COQ8A: variants seen among roughly 807,000 people sequenced by gnomAD.
The protein encoded by COQ8A is atypical kinase COQ8A, mitochondrial.
COQ8A carries 51 observed loss-of-function variants against 65.0 expected under a neutral mutation model. The ratio of observed to expected loss-of-function variants is 0.78; its 90% CI spans 0.63 to 0.99. The LOEUF (loss-of-function observed/expected upper bound fraction) is 0.99. Ranked by LOEUF, COQ8A falls within the 50% of genes least tolerant of loss-of-function variation. The pLI, the probability that COQ8A is intolerant of heterozygous loss-of-function variation, is 0.00. For synonymous variants in COQ8A, 371 were observed against 353.2 expected, an observed-to-expected ratio of 1.05 and a Z score of -0.57; for missense variants, 940 against 875.0, an observed-to-expected ratio of 1.07 and a Z score of -0.94.
intron 6 of COQ8A, 132 bp downstream of exon 6, chr1:226,982,281 A>T: frequency 1.5e-6 from 2 of 1,339,352 alleles, no homozygotes; most frequent in Non-Finnish European, 2.0e-6. Flanking sequence ...AGATCTTAGA[A>T]GATAATAGGC....
chr1:226,957,064 A>C (rs1657828392), intron 1 of COQ8A, among the ~76,000 whole-genome samples: 3 of 131,948 alleles, frequency 2.3e-5, no homozygotes, highest in African/African-American at 8.8e-5. Flanking sequence ...TCCCTGATTC[A>C]CACTCTCCCT....
chr1:226,951,151 C>CT (rs1657351018), intron 1 of COQ8A, among the ~76,000 whole-genome samples: 1 of 152,228 alleles, frequency 6.6e-6, no homozygotes, highest in African/African-American at 2.4e-5. Flanking sequence ...CTGTCTGCCT[C>CT]TGTGTCTCCC....
At chr1:226,981,256 G>A (rs890243422) in intron 5 of COQ8A, among the ~76,000 whole-genome samples, 1 of 152,238 alleles carries the variant, frequency 6.6e-6, no homozygotes, top group Non-Finnish European at 1.5e-5. Flanking sequence ...GATGGCCCAG[G>A]ATAGGGGGGA....
intron 5 of COQ8A, among the ~76,000 whole-genome samples, chr1:226,980,853 C>T (rs1318416236): frequency 1.3e-5 from 2 of 152,186 alleles, no homozygotes; most frequent in Non-Finnish European, 2.9e-5. Context: ...CAGGGCGGCC[C>T]GCCCCACCCT....
intron 4 of COQ8A, among the ~76,000 whole-genome samples, chr1:226,970,255 CAT>C (rs1658817387): frequency 6.6e-6 from 1 of 152,200 alleles, no homozygotes; most frequent in Non-Finnish European, 1.5e-5. Flanking sequence ...ACCTGGCCCT[CAT>C]GTGTGTCTTA....
chr1:226,945,972 T>A (rs976545632), intron 1 of COQ8A, among the ~76,000 whole-genome samples: 1 of 152,202 alleles, frequency 6.6e-6, no homozygotes, highest in African/African-American at 2.4e-5. Context: ...TGTTGGGGAT[T>A]CAGGTTCCCC....
Position 226,986,875 on chromosome 1 carries a change from C to G in COQ8A, c.*138C>G. Reference sequence around the variant, plus strand: ...GGGTGGCTGCCTGGAGCCCCGTAGCCAGCGCTTTCCACGGTTTCTGTTGCT... The same window carrying G: ...GGGTGGCTGCCTGGAGCCCCGTAGCGAGCGCTTTCCACGGTTTCTGTTGCT... On this transcript the variant is annotated 3_prime_UTR_variant, in exon 15 of 15. Transcript: ENST00000366777. 1 of 1,054,302 alleles carries G rather than the reference C, an allele frequency of 9.5e-7. No individual in the cohort carries two copies. 65.3% of individuals were successfully genotyped at this position (1,054,302 alleles called of 1,614,324 possible). A position where few individuals can be genotyped will look rare whatever the true frequency, so the allele number is the denominator to read the frequency against.
At chr1:226,962,066 A>AC (rs1658286832) in intron 2 of COQ8A, among the ~76,000 whole-genome samples, 1 of 152,104 alleles carries the variant, frequency 6.6e-6, no homozygotes, top group Admixed American at 6.5e-5. Context: ...CACTTTGGAG[A>AC]CACACAATGC....
Position 226,983,763 on chromosome 1 carries a change from C to G in COQ8A, c.1165C>G (p.Leu389Val). 6 of 1,613,160 alleles carry G rather than the reference C, an allele frequency of 3.7e-6. No individual in the cohort carries two copies. The highest frequency in any genetic ancestry group is 5.1e-6 in the Non-Finnish European group (6 of 1,179,994). ...LNMSNMLPEG[L>V]FPEHLIDVLR... ...TGATGCCCTCCTCCCTGGCCCAGGC[C>G]TGTTCCCCGAGCACCTGATCGACGT... Residue 389 changes from leucine (L) to valine (V), a missense_variant and splice_region_variant, in exon 10 of 15, where the codon CTG becomes GTG. Physicochemically the swap from Leu to Val is conservative, Grantham distance 32 (BLOSUM62 1). Coordinates refer to ENST00000366777, the MANE Select transcript of COQ8A (RefSeq NM_020247.5).
In COQ8A at chr1:226,961,477, G is replaced by A; in HGVS notation, c.92G>A (p.Gly31Asp). The change falls in exon 2 of 15, where the codon GGC becomes GAC. Residue 31 changes from glycine to aspartate, a missense_variant. Coordinates refer to ENST00000366777, the MANE Select transcript of COQ8A (RefSeq NM_020247.5). ...AAVETHLQHL[G>D]IGGELIMAAR... The stretch of plus-strand genomic sequence containing the variant: ...GTGGAAACCCACCTGCAGCACTTGG[G>A]CATCGGAGGGGAGCTGATCATGGCG... 6.2e-7 allele frequency: 1 copy of A among 1,613,902 alleles called. No homozygotes were observed. Among genetic ancestry groups the A allele is most frequent in the Non-Finnish European group, 8.5e-7 (1 of 1,179,984 alleles).
chr1:226,941,056 C>G (rs191741164), intron 1 of COQ8A, among the ~76,000 whole-genome samples: 2 of 152,206 alleles, frequency 1.3e-5, no homozygotes. Context: ...TTCCGAGGCT[C>G]ATTCTCACCC....
At chr1:226,941,931 G>GT (rs1250453575) in intron 1 of COQ8A, among the ~76,000 whole-genome samples, 12 of 152,198 alleles carry the variant, frequency 7.9e-5, no homozygotes, top group Non-Finnish European at 1.5e-4. Flanking sequence ...CTCAGAGCCA[G>GT]TGTGTTATCT....
chr1:226,965,868 C>T, intron 4 of COQ8A, 131 bp downstream of exon 4: 1 of 921,536 alleles, frequency 1.1e-6, no homozygotes, highest in Non-Finnish European at 1.7e-6. Context: ...GTGGCCGCCC[C>T]TGCATGAGCT....
chr1:226,956,563 G>C (rs1191621351), intron 1 of COQ8A, among the ~76,000 whole-genome samples: 5 of 61,156 alleles, frequency 8.2e-5, no homozygotes, highest in Admixed American at 1.5e-4. Flanking sequence ...CACTCTCCCT[G>C]GTTCACACTC....
At chr1:226,980,726 C>CCTG (rs1659634235) in intron 5 of COQ8A, among the ~76,000 whole-genome samples, 1 of 152,246 alleles carries the variant, frequency 6.6e-6, no homozygotes, top group South Asian at 2.1e-4. Context: ...CAGGTCCCTT[C>CCTG]CTGCTGTCTG....
At chr1:226,978,971 C>T (rs924438170) in intron 5 of COQ8A, among the ~76,000 whole-genome samples, 1 of 151,968 alleles carries the variant, frequency 6.6e-6, no homozygotes, top group African/African-American at 2.4e-5. Flanking sequence ...CACACCCGCA[C>T]ACCTCCTTGT....
intron 1 of COQ8A, among the ~76,000 whole-genome samples, chr1:226,944,692 T>TGAGAGAGAGAGAGAGAGA (rs1174520293): frequency 5.8e-5 from 5 of 86,620 alleles, no homozygotes; most frequent in Non-Finnish European, 1.1e-4. Context: ...AGTTGTACCC[T>TGAGAGAGAGAGAGAGAGA]GAGAGAGAGA....
intron 12 of COQ8A, 65 bp from the exon 13 acceptor site, chr1:226,984,811 C>T: frequency 1.3e-6 from 2 of 1,571,574 alleles, no homozygotes; most frequent in East Asian, 2.2e-5. Flanking sequence ...CACCCCCTTC[C>T]CGGCCCCACA....
rs565432142 is a variant in COQ8A, at chr1:226,976,924, G to A, written c.656-525G>A. On this transcript the variant is annotated intron_variant, in intron 4 of 14. Coordinates refer to ENST00000366777, the MANE Select transcript of COQ8A (RefSeq NM_020247.5). ...GTTCCCCTGGCTTGGATTAGGGGGA[G>A]CCAAAAGTGTTCTCACTCTCACCAC... Among the ~76,000 whole-genome samples, 17 of 152,304 alleles carry A rather than the reference G, an allele frequency of 1.1e-4. No individual in the cohort carries two copies. The South Asian group carries it at 3.5e-3, about 32-fold the overall frequency.
Sources: allele counts gnomAD v4.1 joint callset (sites outside exome capture counted in the v4.1 genomes callset), GRCh38; gene constraint gnomAD v4.1.1; transcripts MANE v1.5; gene names NCBI Gene and HGNC (gene_info 2026-07-23, HGNC 2026-07-21).